The following WWOX variants were observed in gnomAD, a reference collection of about 807,000 sequenced individuals.
WWOX encodes WW domain containing oxidoreductase.
WWOX carries 69 observed loss-of-function variants against 46.2 expected under a neutral mutation model. The observed-to-expected ratio is 1.49, with a 90% confidence interval of 1.23 to 1.82. WWOX has a LOEUF of 1.82. WWOX is among the 40% of genes most tolerant of loss of function. WWOX has a pLI of 0.00. For missense variants in WWOX, 919 were observed against 542.6 expected (o/e 1.69, Z -6.89); for synonymous variants, 359 against 202.6 (o/e 1.77, Z -6.56).
intron 8 of WWOX, among the ~76,000 whole-genome samples, chr16:79,049,231 G>T (rs1259465176): frequency 6.6e-6 from 1 of 152,226 alleles, no homozygotes; most frequent in South Asian, 2.1e-4. Context: ...GGCTGTGGCT[G>T]TGTGCCAATT....
chr16:78,758,655 C>G (rs1203489990), intron 8 of WWOX, among the ~76,000 whole-genome samples: 1 of 152,158 alleles, frequency 6.6e-6, no homozygotes, highest in Non-Finnish European at 1.5e-5. Context: ...GTTAAGAGCT[C>G]TGGCTTTGGT....
intron 8 of WWOX, among the ~76,000 whole-genome samples, chr16:78,839,044 T>A (rs1296224531): frequency 6.6e-6 from 1 of 152,162 alleles, no homozygotes; most frequent in African/African-American, 2.4e-5. Context: ...TTGTGAGATA[T>A]CACCTATGGG....
chr16:78,574,796 C>CT (rs370758098), intron 8 of WWOX, among the ~76,000 whole-genome samples: 59 of 150,176 alleles, frequency 3.9e-4, no homozygotes, highest in African/African-American at 1.0e-3. Flanking sequence ...GTTGCTGGGG[C>CT]TAGGGGGTCA....
chr16:79,194,102 G>T (rs766834032), intron 8 of WWOX, among the ~76,000 whole-genome samples: 3 of 152,164 alleles, frequency 2.0e-5, no homozygotes, highest in Non-Finnish European at 4.4e-5. Context: ...TGTGTACAAA[G>T]AAAGTTTAGA....
intron 5 of WWOX, among the ~76,000 whole-genome samples, chr16:78,372,382 A>T (rs577598333): frequency 3.3e-5 from 5 of 152,256 alleles, no homozygotes; most frequent in Admixed American, 2.6e-4. Flanking sequence ...TGCTCTATAT[A>T]ATAGAAGGTG....
At chr16:79,121,110 G>A (rs954429527) in intron 8 of WWOX, among the ~76,000 whole-genome samples, 1 of 152,118 alleles carries the variant, frequency 6.6e-6, no homozygotes, top group African/African-American at 2.4e-5. Context: ...TTAAATGTAG[G>A]ACCCACTTGG....
At chr16:78,901,151 C>G (rs2044822260) in intron 8 of WWOX, among the ~76,000 whole-genome samples, 1 of 152,124 alleles carries the variant, frequency 6.6e-6, no homozygotes, top group Non-Finnish European at 1.5e-5. Flanking sequence ...TTTCATAGGG[C>G]AAAATGCAGA....
At chr16:78,974,281 A>G (rs1037899752) in intron 8 of WWOX, among the ~76,000 whole-genome samples, 1 of 152,150 alleles carries the variant, frequency 6.6e-6, no homozygotes, top group African/African-American at 2.4e-5. Context: ...GCACAAAGCA[A>G]AGCAGTTAAA....
intron 8 of WWOX, among the ~76,000 whole-genome samples, chr16:78,747,068 T>G (rs1033006918): frequency 5.9e-5 from 9 of 152,070 alleles, no homozygotes; most frequent in African/African-American, 1.9e-4. Flanking sequence ...CCTCCCAATA[T>G]CCTGCAACCA....
At chr16:78,858,692 T>A (rs1041946653) in intron 8 of WWOX, among the ~76,000 whole-genome samples, 101 of 152,120 alleles carry the variant, frequency 6.6e-4, no homozygotes. Flanking sequence ...TCCTTTTTAT[T>A]TTTTTGAGAT....
In WWOX at chr16:78,432,503, C is replaced by CGACT. The variant is rs2083246106; in HGVS notation, c.808_811dup (p.Ser271Ter). On this transcript the variant is annotated frameshift_variant, in exon 8 of 9. Coordinates refer to ENST00000566780, the MANE Select transcript of WWOX (RefSeq NM_016373.4). LOFTEE classifies it high-confidence loss of function. ...TATTTTTAAGATTTACAGATATTAA[C>CGACT]GACTCCTTGGGAAAACTGGACTTCA... 6.2e-7 allele frequency: 1 copy of CGACT among 1,613,986 alleles called. No individual in the cohort carries two copies. Among genetic ancestry groups the CGACT allele is most frequent in the Non-Finnish European group, 8.5e-7 (1 of 1,180,024 alleles).
intron 8 of WWOX, among the ~76,000 whole-genome samples, chr16:79,050,440 A>C (rs2048145019): frequency 6.6e-6 from 1 of 152,212 alleles, no homozygotes; most frequent in African/African-American, 2.4e-5. Context: ...CTCAAAACAC[A>C]TAAGGACTTT....
intron 8 of WWOX, among the ~76,000 whole-genome samples, chr16:78,754,289 T>G (rs1482698662): frequency 6.6e-6 from 1 of 152,042 alleles, no homozygotes; most frequent in Non-Finnish European, 1.5e-5. Context: ...GAGCAATCAG[T>G]GAGTTTCAGG....
intron 8 of WWOX, among the ~76,000 whole-genome samples, chr16:78,519,155 C>T (rs1026775603): frequency 2.6e-5 from 4 of 152,106 alleles, no homozygotes; most frequent in Non-Finnish European, 4.4e-5. Context: ...ACTTGTGGCC[C>T]CCGGCCTCAG....
At chr16:78,878,668 C>T (rs543065225) in intron 8 of WWOX, among the ~76,000 whole-genome samples, 4 of 152,170 alleles carry the variant, frequency 2.6e-5, no homozygotes, top group Non-Finnish European at 4.4e-5. Flanking sequence ...AAATGTTACC[C>T]ATTTTATTCC....
intron 8 of WWOX, among the ~76,000 whole-genome samples, chr16:78,675,728 C>G (rs940156222): frequency 6.6e-6 from 1 of 152,126 alleles, no homozygotes; most frequent in Non-Finnish European, 1.5e-5. Context: ...TAACCCTGCA[C>G]TTAGAGAGGG....
intron 8 of WWOX, chr16:78,898,992 C>G (rs1334141706): frequency 6.6e-6 from 1 of 151,948 alleles, no homozygotes; most frequent in Non-Finnish European, 1.5e-5. Context: ...ATTTATTCAC[C>G]TTTTCCTTTT....
intron 8 of WWOX, among the ~76,000 whole-genome samples, chr16:78,850,708 C>G (rs1031010629): frequency 2.6e-5 from 4 of 152,150 alleles, no homozygotes; most frequent in African/African-American, 9.7e-5. Flanking sequence ...CAGTCACTGC[C>G]TGTGAACCAG....
intron 8 of WWOX, among the ~76,000 whole-genome samples, chr16:78,497,086 T>C (rs184374908): frequency 2.0e-5 from 3 of 152,368 alleles, no homozygotes; most frequent in African/African-American, 4.8e-5. Context: ...AAGCCGTCTA[T>C]TGTATGCCTT....
Sources: gnomAD v4.1 joint callset for allele counts (sites outside exome capture counted in the v4.1 genomes callset) on GRCh38, gnomAD v4.1.1 for gene constraint, MANE v1.5 for transcripts, NCBI Gene and HGNC (gene_info 2026-07-23, HGNC 2026-07-21) for gene names.